YEATS2: variants seen among roughly 807,000 people sequenced by gnomAD.
YEATS2 encodes the protein YEATS domain containing 2, also known as YEATS domain-containing protein 2.
YEATS2 carries 77 observed loss-of-function variants against 163.2 expected under a neutral mutation model. The ratio of observed to expected loss-of-function variants is 0.47; its 90% CI spans 0.39 to 0.57. The LOEUF is 0.57. Among genes scored for constraint, YEATS2 ranks in the 20% least tolerant of loss-of-function variants. The pLI is 0.00. For synonymous variants in YEATS2, 631 were observed against 645.1 expected (o/e 0.98, Z 0.33); for missense variants, 1,549 against 1,729.8 (o/e 0.90, Z 1.85).
chr3:183,799,152 AAAT>A (rs1476941573), intron 23 of YEATS2, among the ~76,000 whole-genome samples, 163 bp downstream of exon 23: 2 of 152,226 alleles, frequency 1.3e-5, no homozygotes, highest in Non-Finnish European at 2.9e-5. Context: ...AATATGTCCT[AAAT>A]GCTCATATGG....
rs1185260759 is a variant in YEATS2, at chr3:183,756,658, G to A, written c.1521G>A (p.Gly507=). 1.3e-6 allele frequency: 2 copies of A among 1,590,732 alleles called. No homozygotes were observed. The highest frequency in any genetic ancestry group is 1.2e-5 in the South Asian group (1 of 85,558). Residue 507 remains glycine (G), a synonymous_variant, in exon 12 of 31, where the codon GGG becomes GGA. Transcript: ENST00000305135. Reference sequence around the variant, plus strand: ...ATGTTATCATGGACAAGCAGCCGGGGCAGGTGATTGGAGCCACCACTCCCA... The same window carrying A: ...ATGTTATCATGGACAAGCAGCCGGGACAGGTGATTGGAGCCACCACTCCCA... ...NPYVIMDKQP[G]QVIGATTPST...
At chr3:183,746,630 GT>G (rs1719565336) in intron 8 of YEATS2, among the ~76,000 whole-genome samples, 1 of 150,124 alleles carries the variant, frequency 6.7e-6, no homozygotes, top group African/African-American at 2.5e-5. Context: ...TCTGGAGACT[GT>G]GAAAATGGAT....
chr3:183,808,188 C>T (rs1726417866), intron 29 of YEATS2, 84 bp downstream of exon 29: 2 of 1,099,318 alleles, frequency 1.8e-6, no homozygotes, highest in Non-Finnish European at 2.6e-6. Context: ...AGAAAAGGAA[C>T]AAAGATAACA....
chr3:183,809,859 G>A (rs1233881546), intron 30 of YEATS2, among the ~76,000 whole-genome samples: 2 of 152,230 alleles, frequency 1.3e-5, no homozygotes, highest in East Asian at 1.9e-4. Context: ...GACATGAAGG[G>A]CCTAAATCAG....
chr3:183,732,727 C>T (rs1173554410), intron 7 of YEATS2, among the ~76,000 whole-genome samples: 5 of 151,530 alleles, frequency 3.3e-5, no homozygotes, highest in East Asian at 2.0e-4. Flanking sequence ...TCCCGGCTAA[C>T]GTTTTTGTAT....
chr3:183,750,696 T>G (rs1348042788), intron 9 of YEATS2, among the ~76,000 whole-genome samples: 1 of 152,254 alleles, frequency 6.6e-6, no homozygotes, highest in Non-Finnish European at 1.5e-5. Flanking sequence ...TGAGGATCCC[T>G]TCATGTGTTT....
At chr3:183,724,071 A>T (rs1716812375) in intron 5 of YEATS2, among the ~76,000 whole-genome samples, 1 of 152,318 alleles carries the variant, frequency 6.6e-6, no homozygotes, top group African/African-American at 2.4e-5. Flanking sequence ...AAAGGTTAAA[A>T]AGAGGGTAAA....
intron 15 of YEATS2, among the ~76,000 whole-genome samples, chr3:183,763,003 A>G (rs1367946620): frequency 6.6e-6 from 1 of 151,992 alleles, no homozygotes; most frequent in Non-Finnish European, 1.5e-5. Flanking sequence ...GTGAGCTGAG[A>G]TCGCGGCACT....
Position 183,703,285 on chromosome 3 carries a change from G to A in YEATS2, c.-20+5292G>A, listed in dbSNP as rs568766166. 2.2e-3 allele frequency among the ~76,000 whole-genome samples: 342 copies of A among 152,280 alleles called. 2 individuals are homozygous for A. The highest frequency in any genetic ancestry group is 7.8e-3 in the African/African-American group (322 of 41,542). On this transcript the variant is annotated intron_variant, in intron 1 of 30. Transcript: ENST00000305135. ...GGATGCCAGATGAGTTAAAGAAAAA[G>A]TGATATGTTAGCCAGCAAATGGGAA...
chr3:183,789,175 G>GGT (rs766999889), intron 20 of YEATS2, among the ~76,000 whole-genome samples: 68 of 152,170 alleles, frequency 4.5e-4, no homozygotes, highest in Non-Finnish European at 8.7e-4. Flanking sequence ...GTGCTTTTGA[G>GGT]GTACTACTCA....
At chr3:183,729,570 C>G (rs1237070633) in intron 7 of YEATS2, among the ~76,000 whole-genome samples, 1 of 152,076 alleles carries the variant, frequency 6.6e-6, no homozygotes, top group Non-Finnish European at 1.5e-5. Flanking sequence ...TTCTTCTGTA[C>G]ATATTTGAAT....
chr3:183,781,465 T>C (rs1723555052), intron 19 of YEATS2, among the ~76,000 whole-genome samples: 2 of 152,214 alleles, frequency 1.3e-5, no homozygotes, highest in African/African-American at 4.8e-5. Context: ...GGGCGGATCT[T>C]CTTTACTCTG....
At chr3:183,704,685 A>G (rs1714441509) in intron 1 of YEATS2, among the ~76,000 whole-genome samples, 1 of 151,512 alleles carries the variant, frequency 6.6e-6, no homozygotes, top group African/African-American at 2.4e-5. Flanking sequence ...GCTGGAGTGC[A>G]GTGGCGTGAT....
chr3:183,738,388 GTTC>G (rs1200317440), intron 8 of YEATS2, among the ~76,000 whole-genome samples: 5 of 113,912 alleles, frequency 4.4e-5, no homozygotes, highest in East Asian at 2.8e-4. Flanking sequence ...CAAAGGAAAA[GTTC>G]TTTTTTTTTT....
intron 1 of YEATS2, among the ~76,000 whole-genome samples, chr3:183,698,217 T>G (rs1713684151): frequency 6.6e-6 from 1 of 151,884 alleles, no homozygotes; most frequent in Admixed American, 6.6e-5. Context: ...GAACGTGAGT[T>G]GGGGGCTTCC....
chr3:183,743,497 A>G lies in YEATS2; in HGVS notation c.925-4175A>G, dbSNP rs186402927. On this transcript the variant is annotated intron_variant, in intron 8 of 30. Transcript: ENST00000305135. The stretch of plus-strand genomic sequence containing the variant: ...CTGGACCACAAGCGCATGCCACTAC[A>G]CTCAGTTAATTTTTTTATTTTTTGT... Among the ~76,000 whole-genome samples the G allele has an allele frequency of 1.4e-3, 213 of 151,508 alleles. 2 individuals are homozygous for G. The highest frequency in any genetic ancestry group is 3.4e-3 in the Middle Eastern group (1 of 294).
chr3:183,757,448 G>A (rs896962382), intron 12 of YEATS2, among the ~76,000 whole-genome samples: 3 of 151,348 alleles, frequency 2.0e-5, no homozygotes, highest in Non-Finnish European at 4.4e-5. Flanking sequence ...GCACCACCAC[G>A]CCCAGCTAAT....
chr3:183,790,829 G>A lies in YEATS2; in HGVS notation c.2946G>A (p.Thr982=), dbSNP rs376592532. 5.6e-5 allele frequency: 90 copies of A among 1,614,020 alleles called. No homozygotes were observed. The African/African-American group carries it at 6.5e-4, about 12-fold the overall frequency. ...GAATGGCTCCCGTGTCTTCATCTAC[G>A]GTCAGTTCTGTAACGAAAACTTCTG... is the stretch of plus-strand genomic sequence containing the variant. ...SEGMAPVSSS[T]VSSVTKTSGQ... is the part of the protein sequence containing the mutation. The change falls in exon 21 of 31, where the codon ACG becomes ACA. Residue 982 remains threonine (T), a synonymous_variant. Coordinates refer to ENST00000305135, the MANE Select transcript of YEATS2 (RefSeq NM_018023.5).
Position 183,800,606 on chromosome 3 carries a change from G to A in YEATS2, c.3428+38G>A, listed in dbSNP as rs773674493. On this transcript the variant is annotated intron_variant, in intron 24 of 30. Transcript: ENST00000305135. ...ATCTTTCCTAAAGGAATTCCGCTTC[G>A]GGTGTTTGTCACGCCTGTGACAGCT... 9 of 1,571,162 alleles carry A rather than the reference G, an allele frequency of 5.7e-6. No individual in the cohort carries two copies. The South Asian group carries it at 6.8e-5, about 12-fold the overall frequency.
Sources: allele counts gnomAD v4.1 joint callset (sites outside exome capture counted in the v4.1 genomes callset), GRCh38; gene constraint gnomAD v4.1.1; transcripts MANE v1.5; gene names NCBI Gene and HGNC (gene_info 2026-07-23, HGNC 2026-07-21).